CENPK: variants seen among roughly 807,000 people sequenced by gnomAD.
The protein encoded by CENPK is SoxLZ/Sox6-binding protein Solt.
Under a neutral mutation model 40.9 loss-of-function variants are expected in CENPK, and 46 were observed. The observed-to-expected ratio is 1.13, with a 90% confidence interval of 0.89 to 1.44. The LOEUF (loss-of-function observed/expected upper bound fraction) is 1.44, where lower values mean the gene tolerates loss of function less well. CENPK is among the 40% of genes most tolerant of loss of function. The probability of loss-of-function intolerance (pLI) is 0.00; values close to 1 mark genes in which losing one functional copy is unlikely to be tolerated. For missense variants in CENPK, 288 were observed against 303.5 expected (o/e 0.95, Z 0.38); for synonymous variants, 107 against 104.4 (o/e 1.02, Z -0.15).
chr5:65,507,631 G>A, the CENPK span, among the ~76,000 whole-genome samples: 1 of 152,044 alleles, frequency 6.6e-6, no homozygotes, highest in South Asian at 2.1e-4. Flanking sequence ...TACAAGCTCC[G>A]AGTCAGTTAT....
chr5:65,528,910 A>C lies in CENPK; in HGVS notation c.470+9T>G, dbSNP rs1224982242. ...CCTATTTTAAAAACCTAGAACATAA[A>C]ATTAATACCTTGATTCAGAAAATGT... On this transcript the variant is annotated intron_variant, in intron 8 of 10. Coordinates refer to ENST00000396679, the MANE Select transcript of CENPK (RefSeq NM_022145.5). 2 of 1,453,262 alleles carry C rather than the reference A, an allele frequency of 1.4e-6. No individual in the cohort carries two copies. Among genetic ancestry groups the C allele is most frequent in the Non-Finnish European group, 1.9e-6 (2 of 1,050,826 alleles). The allele number at this position is 1,453,262 out of a possible 1,614,324, so 90.0% of individuals were successfully genotyped here. A position where few individuals can be genotyped will look rare whatever the true frequency, so the allele number is the denominator to read the frequency against.
chr5:65,503,594 T>A, the CENPK span, among the ~76,000 whole-genome samples: 1 of 152,146 alleles, frequency 6.6e-6, no homozygotes, highest in East Asian at 1.9e-4. Context: ...TTGGCACATT[T>A]AAAATTTTTA....
the CENPK span, among the ~76,000 whole-genome samples, chr5:65,498,754 TCAGG>T: frequency 6.6e-6 from 1 of 151,262 alleles, no homozygotes; most frequent in Non-Finnish European, 1.5e-5. Context: ...AATTCCTGGG[TCAGG>T]CAATCTTGCT....
At chr5:65,551,249 C>CAAAAAA (rs58442174) in intron 5 of CENPK, 31 of 112,182 alleles carry the variant, frequency 2.8e-4, no homozygotes, top group South Asian at 4.8e-4. Context: ...GACCCTGTCT[C>CAAAAAA]AAAAAAAAAA....
chr5:65,508,953 C>T, the CENPK span, among the ~76,000 whole-genome samples: 1 of 151,864 alleles, frequency 6.6e-6, no homozygotes, highest in Non-Finnish European at 1.5e-5. Flanking sequence ...CTTCAAGATG[C>T]CATTAAGAAA....
At chr5:65,531,798 G>A (rs907915761) in intron 6 of CENPK, among the ~76,000 whole-genome samples, 11 of 151,902 alleles carry the variant, frequency 7.2e-5, no homozygotes, top group Middle Eastern at 3.2e-3. Flanking sequence ...CACTGCGCCC[G>A]GCCTAAAAGC....
the CENPK span, among the ~76,000 whole-genome samples, chr5:65,504,886 A>T: frequency 2.0e-5 from 3 of 151,976 alleles, no homozygotes; most frequent in African/African-American, 7.3e-5. Flanking sequence ...TATTTTAGGG[A>T]ATGTGTATGG....
At chr5:65,534,024 G>C (rs1244280871) in intron 6 of CENPK, among the ~76,000 whole-genome samples, 3 of 136,158 alleles carry the variant, frequency 2.2e-5, no homozygotes, top group East Asian at 2.3e-4. Context: ...CTCTAGCCTG[G>C]GTGACAGAGC....
chr5:65,515,462 A>G (rs1217162464), downstream of CENPK, among the ~76,000 whole-genome samples: 4 of 151,992 alleles, frequency 2.6e-5, no homozygotes, highest in Admixed American at 6.6e-5. Flanking sequence ...CGGCCTCCCA[A>G]CAAGTGCTGG....
chr5:65,509,855 CATT>C, the CENPK span, among the ~76,000 whole-genome samples: 1 of 152,180 alleles, frequency 6.6e-6, no homozygotes, highest in Non-Finnish European at 1.5e-5. Context: ...CAAAACTTTT[CATT>C]ATTATTATGT....
At chr5:65,555,104 T>A in intron 2 of CENPK, 158 bp from the exon 3 acceptor site, 1 of 453,724 alleles carries the variant, frequency 2.2e-6, no homozygotes, top group Non-Finnish European at 3.8e-6. Flanking sequence ...GACAATAAAA[T>A]AAAAAATAAA....
chr5:65,528,745 C>T (rs910073611), intron 8 of CENPK, among the ~76,000 whole-genome samples, 167 bp from the exon 9 acceptor site: 2 of 152,006 alleles, frequency 1.3e-5, no homozygotes, highest in Non-Finnish European at 1.5e-5. Context: ...GTAGAGAAAC[C>T]AAAGGTACAG....
At chr5:65,540,429 C>T (rs12515474) in intron 6 of CENPK, among the ~76,000 whole-genome samples, 5,434 of 152,158 alleles carry the variant, frequency 0.036, 167 homozygotes, top group Admixed American at 0.049. Flanking sequence ...GTCTTTATCC[C>T]TATTGTGGTA....
intron 2 of CENPK, among the ~76,000 whole-genome samples, chr5:65,559,072 C>A (rs1377647886): frequency 6.6e-6 from 1 of 152,120 alleles, no homozygotes; most frequent in East Asian, 1.9e-4. Context: ...GATGTCTACC[C>A]CACATCAAAC....
chr5:65,558,583 A>G (rs532306664), intron 2 of CENPK, among the ~76,000 whole-genome samples: 1 of 152,362 alleles, frequency 6.6e-6, no homozygotes, highest in East Asian at 1.9e-4. Flanking sequence ...AGGAAAAGAG[A>G]TGTATAAAAC....
chr5:65,554,276 C>T (rs540875778), intron 3 of CENPK, among the ~76,000 whole-genome samples: 30 of 152,076 alleles, frequency 2.0e-4, no homozygotes, highest in Non-Finnish European at 2.9e-4. Flanking sequence ...CTTAGCCACC[C>T]GAGTAGCTGA....
At chr5:65,519,383 T>G (rs1273124495) in intron 10 of CENPK, among the ~76,000 whole-genome samples, 1 of 152,238 alleles carries the variant, frequency 6.6e-6, no homozygotes, top group Non-Finnish European at 1.5e-5. Context: ...GTTTGAATAC[T>G]AATGTTATGA....
At chr5:65,529,606 G>A (rs1022431581) in intron 6 of CENPK, 9 of 160,528 alleles carry the variant, frequency 5.6e-5, no homozygotes, top group Non-Finnish European at 9.4e-5. Flanking sequence ...TCCTGCCCCA[G>A]CCCCTGAGTA....
At chr5:65,551,760 C>A (rs946632314) in intron 4 of CENPK, 124 bp from the exon 5 acceptor site, 2 of 458,066 alleles carry the variant, frequency 4.4e-6, no homozygotes, top group Admixed American at 8.4e-5. Flanking sequence ...TCTCACGCTG[C>A]TCCAGAGGCA....
Sources: allele counts gnomAD v4.1 joint callset (sites outside exome capture counted in the v4.1 genomes callset), GRCh38; gene constraint gnomAD v4.1.1; transcripts MANE v1.5; gene names NCBI Gene and HGNC (gene_info 2026-07-23, HGNC 2026-07-21).